SLC25A25: variants seen among roughly 807,000 people sequenced by gnomAD.
SLC25A25 encodes mitochondrial adenyl nucleotide antiporter SLC25A25.
SLC25A25 carries 32 observed loss-of-function variants against 57.7 expected under a neutral mutation model. That is an observed-to-expected ratio of 0.55 (90% CI 0.42 to 0.74). SLC25A25 has a LOEUF of 0.74. SLC25A25 is among the 30% of genes least tolerant of loss of function. The probability of loss-of-function intolerance (pLI) is 0.00; values close to 1 mark genes in which losing one functional copy is unlikely to be tolerated. For missense variants in SLC25A25, 556 were observed against 701.3 expected (o/e 0.79, Z 2.34); for synonymous variants, 306 against 291.2 (o/e 1.05, Z -0.52).
In SLC25A25 at chr9:128,107,968, G is replaced by T; in HGVS notation, c.*524G>T. 2.5e-6 allele frequency: 1 copy of T among 399,048 alleles called. No homozygotes were observed. The highest frequency in any genetic ancestry group is 1.3e-4 in the South Asian group (1 of 7,854). 24.7% of individuals were successfully genotyped at this position (399,048 alleles called of 1,614,324 possible). ...TGAGGTCACGTGGCCTCCCAGGCCT[G>T]ACTTCCCAACCTACAGCATTGACGC... On this transcript the variant is annotated 3_prime_UTR_variant, in exon 11 of 11. Transcript: ENST00000373069.
intron 1 of SLC25A25, among the ~76,000 whole-genome samples, chr9:128,070,656 A>G (rs902196564): frequency 2.0e-5 from 3 of 151,994 alleles, no homozygotes; most frequent in African/African-American, 7.2e-5. Context: ...CTCACTTGAA[A>G]AGGTAGAATG....
chr9:128,086,951 A>G (rs1833289490), intron 1 of SLC25A25, among the ~76,000 whole-genome samples: 1 of 151,394 alleles, frequency 6.6e-6, no homozygotes, highest in Admixed American at 6.6e-5. Flanking sequence ...GCAGTGGCTC[A>G]TGCCTGTAAT....
At position 128,106,473 on chromosome 9, in the gene SLC25A25, A is replaced by G. The variant is rs1834042270; in HGVS notation, c.1165A>G (p.Met389Val). Residue 389 changes from methionine (M) to valine (V), a missense_variant, in exon 9 of 11, where the codon ATG becomes GTG. By Grantham distance (21) the Met-to-Val change is conservative. Coordinates refer to ENST00000373069, the MANE Select transcript of SLC25A25 (RefSeq NM_001330988.2). ...AAFYKGYVPN[M>V]LGIIPYAGID... The stretch of plus-strand genomic sequence containing the variant: ...CTTCTACAAAGGCTATGTCCCCAAC[A>G]TGCTGGGCATCATCCCCTATGCCGG... 2.5e-6 allele frequency: 4 copies of G among 1,612,658 alleles called. No individual in the cohort carries two copies. The highest frequency in any genetic ancestry group is 1.3e-5 in the African/African-American group (1 of 75,026).
rs775510321 is a variant in SLC25A25, at chr9:128,107,492, C to G, written c.*48C>G. Reference sequence around the variant, plus strand: ...TGGACTCGCTGATCCTGGGCCGCAGCCTGGGGTGTGCAGCCATCTCATTCT... The same window carrying G: ...TGGACTCGCTGATCCTGGGCCGCAGGCTGGGGTGTGCAGCCATCTCATTCT... On this transcript the variant is annotated 3_prime_UTR_variant, in exon 11 of 11. Transcript: ENST00000373069. 4 of 1,496,352 alleles carry G rather than the reference C, an allele frequency of 2.7e-6. No individual in the cohort carries two copies. Among genetic ancestry groups the G allele is most frequent in the South Asian group, 1.4e-5 (1 of 71,990 alleles). 92.7% of individuals were successfully genotyped at this position (1,496,352 alleles called of 1,614,324 possible).
rs113296361 is a variant in SLC25A25, at chr9:128,069,833, C to G, written c.261+1253C>G. 5.5e-3 allele frequency among the ~76,000 whole-genome samples: 821 copies of G among 149,136 alleles called. 11 individuals are homozygous for G. Among genetic ancestry groups the G allele is most frequent in the African/African-American group, 0.019 (747 of 38,912 alleles). On this transcript the variant is annotated intron_variant, in intron 1 of 10. Coordinates refer to ENST00000373069, the MANE Select transcript of SLC25A25 (RefSeq NM_001330988.2). ...TTGGTGCAATCTTGGCTCACTGCAG[C>G]CTCCGCCTCCTGGGTTCAAGAGATT... is the stretch of plus-strand genomic sequence containing the variant.
At chr9:128,073,753 G>A (rs1391648720) in intron 1 of SLC25A25, among the ~76,000 whole-genome samples, 1 of 125,360 alleles carries the variant, frequency 8.0e-6, no homozygotes, top group Non-Finnish European at 1.7e-5. Flanking sequence ...TTTTTTTTTT[G>A]AGACAGAGTC....
At chr9:128,068,708 C>T in intron 1 of SLC25A25, 128 bp downstream of exon 1, 1 of 1,022,248 alleles carries the variant, frequency 9.8e-7, no homozygotes, top group East Asian at 3.3e-5. Context: ...CCCCCTGACT[C>T]ACTGAGGGAC....
chr9:128,097,664 C>T (rs1833600187), intron 1 of SLC25A25, among the ~76,000 whole-genome samples: 2 of 152,226 alleles, frequency 1.3e-5, no homozygotes, highest in African/African-American at 4.8e-5. Flanking sequence ...TGGGCTCCTA[C>T]GTGTTCTGAG....
In SLC25A25 at chr9:128,103,879, T is replaced by C; in HGVS notation, c.783+40T>C. On this transcript the variant is annotated intron_variant, in intron 6 of 10. Transcript: ENST00000373069. This position sits in a 1 kb window ranked among gnomAD's most constrained non-coding sequence, Gnocchi z 6.7. ...GGCCCCAGACCCCTGGGGGGCCAGT[T>C]TCCACCTGGGGGATGCTGCTTGGCT... 6.7e-7 allele frequency: 1 copy of C among 1,491,888 alleles called. No homozygotes were observed. Among genetic ancestry groups the C allele is most frequent in the African/African-American group, 1.4e-5 (1 of 70,280 alleles). 92.4% of individuals were successfully genotyped at this position (1,491,888 alleles called of 1,614,324 possible).
In SLC25A25 at chr9:128,099,265, C is replaced by T; in HGVS notation, c.262-1831C>T. On this transcript the variant is annotated intron_variant, in intron 1 of 10. Coordinates refer to ENST00000373069, the MANE Select transcript of SLC25A25 (RefSeq NM_001330988.2). This position sits in a 1 kb window ranked among gnomAD's most constrained non-coding sequence, Gnocchi z 6.8. ...GCTTCTCGGTTAATCAGTTTCCCTG[C>T]TACCCCCAGTGCCCACTGTGCACCA... 3.1e-6 allele frequency: 4 copies of T among 1,289,180 alleles called. No homozygotes were observed. Among genetic ancestry groups the T allele is most frequent in the Non-Finnish European group, 4.0e-6 (4 of 988,552 alleles). 79.9% of individuals were successfully genotyped at this position (1,289,180 alleles called of 1,614,324 possible). A position where few individuals can be genotyped will look rare whatever the true frequency, so the allele number is the denominator to read the frequency against.
intron 1 of SLC25A25, among the ~76,000 whole-genome samples, chr9:128,076,927 C>T (rs764417624): frequency 3.9e-5 from 6 of 152,190 alleles, no homozygotes; most frequent in African/African-American, 1.2e-4. Flanking sequence ...TGGTCATCCG[C>T]CCTTTCTATT....
intron 1 of SLC25A25, among the ~76,000 whole-genome samples, chr9:128,083,235 A>AAT (rs1356780614): frequency 1.6e-5 from 1 of 61,224 alleles, no homozygotes; most frequent in African/African-American, 3.4e-5. Context: ...CTCAAAAAAA[A>AAT]AAAATAAATA....
Position 128,103,521 on chromosome 9 carries a change from T to A in SLC25A25, c.625-160T>A, listed in dbSNP as rs1207387406. Among the ~76,000 whole-genome samples the A allele has an allele frequency of 1.3e-5, 2 of 152,024 alleles. No homozygotes were observed. Among genetic ancestry groups the A allele is most frequent in the African/African-American group, 4.8e-5 (2 of 41,394 alleles). On this transcript the variant is annotated intron_variant, in intron 5 of 10. Transcript: ENST00000373069. The surrounding 1 kb of genome is among the most constrained non-coding windows in gnomAD (Gnocchi z 6.7). ...GGTGAGAGCTCTGCTACCTTCAGAGTGAAGGGAAAGACCCCAGCCCGCTTC... is the reference window on the plus strand; with the variant it reads ...GGTGAGAGCTCTGCTACCTTCAGAGAGAAGGGAAAGACCCCAGCCCGCTTC...
At chr9:128,079,562 C>T (rs1392114890) in intron 1 of SLC25A25, among the ~76,000 whole-genome samples, 1 of 139,160 alleles carries the variant, frequency 7.2e-6, no homozygotes, top group Admixed American at 7.6e-5. Context: ...AGTTCGAGAC[C>T]AGCCTGGCCA....
intron 1 of SLC25A25, among the ~76,000 whole-genome samples, chr9:128,087,152 T>C (rs971239630): frequency 2.7e-5 from 4 of 149,856 alleles, no homozygotes; most frequent in African/African-American, 9.8e-5. Flanking sequence ...AAGGCAGAGG[T>C]TACAGTGAGC....
intron 1 of SLC25A25, among the ~76,000 whole-genome samples, chr9:128,083,170 G>A (rs1258692493): frequency 2.0e-5 from 3 of 151,732 alleles, no homozygotes; most frequent in South Asian, 2.1e-4. Context: ...GGAGGTTGCC[G>A]TGAGCCGAGA....
At chr9:128,091,437 T>C (rs1833400629) in intron 1 of SLC25A25, 3 of 985,808 alleles carry the variant, frequency 3.0e-6, no homozygotes, top group African/African-American at 3.5e-5. Flanking sequence ...GCAGACTGGA[T>C]GCTCGGGTCC....
Position 128,105,738 on chromosome 9 carries a change from T to C in SLC25A25, c.793T>C (p.Ser265Pro). Reference sequence around the variant, plus strand: ...CGGTCCTCCCTCCCAGGTCCATGCCTCCCGCAGCAACAACATGGGCATCGT... The same window carrying C: ...CGGTCCTCCCTCCCAGGTCCATGCCCCCCGCAGCAACAACATGGGCATCGT... ...RLKVLMQVHA[S>P]RSNNMGIVGG... is the part of the protein sequence containing the mutation. Residue 265 changes from serine to proline, a missense_variant, in exon 7 of 11, where the codon TCC (serine) becomes CCC (proline). Physicochemically the swap from Ser to Pro is moderately conservative, Grantham distance 74. Coordinates refer to ENST00000373069, the MANE Select transcript of SLC25A25 (RefSeq NM_001330988.2). 6.2e-7 allele frequency: 1 copy of C among 1,613,046 alleles called. No individual in the cohort carries two copies. Among genetic ancestry groups the C allele is most frequent in the Non-Finnish European group, 8.5e-7 (1 of 1,180,008 alleles).
intron 1 of SLC25A25, among the ~76,000 whole-genome samples, chr9:128,081,822 G>A (rs1300023810): frequency 6.6e-6 from 1 of 152,102 alleles, no homozygotes; most frequent in Non-Finnish European, 1.5e-5. Context: ...TTGGGAGGTT[G>A]AGGTGGGAAG....
Sources: gnomAD v4.1 joint callset for allele counts (sites outside exome capture counted in the v4.1 genomes callset) on GRCh38, gnomAD v4.1.1 for gene constraint, Gnocchi (gnomAD v3.1) non-coding constraint, MANE v1.5 for transcripts, NCBI Gene and HGNC (gene_info 2026-07-23, HGNC 2026-07-21) for gene names.